QTMAN: variants seen among roughly 807,000 people sequenced by gnomAD.
QTMAN encodes the protein tRNA-queuosine alpha-mannosyltransferase.
the QTMAN span, among the ~76,000 whole-genome samples, chr2:144,319,127 AT>A: frequency 6.6e-6 from 1 of 152,206 alleles, no homozygotes; most frequent in Non-Finnish European, 1.5e-5. Context: ...AAAAATATTA[AT>A]TTATGAATTC....
chr2:144,223,799 G>C, the QTMAN span, among the ~76,000 whole-genome samples: 1 of 152,188 alleles, frequency 6.6e-6, no homozygotes, highest in Non-Finnish European at 1.5e-5. Flanking sequence ...TCTTTAAAGT[G>C]TTGAGAATCC....
chr2:144,099,480 T>A, the QTMAN span, among the ~76,000 whole-genome samples: 2 of 152,142 alleles, frequency 1.3e-5, no homozygotes, highest in African/African-American at 2.4e-5. Context: ...ACGAAAGGAC[T>A]AGGGTATGAG....
the QTMAN span, among the ~76,000 whole-genome samples, chr2:144,142,773 G>A: frequency 6.6e-6 from 1 of 151,836 alleles, no homozygotes; most frequent in Non-Finnish European, 1.5e-5. Context: ...TTACATAAAG[G>A]TACATATAAA....
At chr2:144,064,716 C>T in the QTMAN span, among the ~76,000 whole-genome samples, 12 of 152,256 alleles carry the variant, frequency 7.9e-5, no homozygotes, top group South Asian at 2.5e-3. Flanking sequence ...AGGCAAAAAA[C>T]AAAGTCATAT....
At chr2:144,326,777 C>T in the QTMAN span, among the ~76,000 whole-genome samples, 2 of 152,136 alleles carry the variant, frequency 1.3e-5, no homozygotes, top group East Asian at 3.8e-4. Flanking sequence ...GTGCTAAGGA[C>T]ACCTCCAGGG....
At chr2:144,141,986 T>C in the QTMAN span, 9 of 1,610,582 alleles carry the variant, frequency 5.6e-6, no homozygotes, top group African/African-American at 1.3e-5. Context: ...GCTTCATAAA[T>C]TTTCCCATGG....
the QTMAN span, among the ~76,000 whole-genome samples, chr2:144,123,927 T>C: frequency 6.6e-6 from 1 of 152,110 alleles, no homozygotes; most frequent in Non-Finnish European, 1.5e-5. Flanking sequence ...TTTAAAGTAA[T>C]TTACAGATTA....
the QTMAN span, among the ~76,000 whole-genome samples, chr2:144,191,047 T>G: frequency 6.6e-6 from 1 of 152,202 alleles, no homozygotes; most frequent in Non-Finnish European, 1.5e-5. Flanking sequence ...GCATTTATAT[T>G]CCTCAAACCA....
At chr2:144,156,578 T>C in the QTMAN span, among the ~76,000 whole-genome samples, 126 of 152,138 alleles carry the variant, frequency 8.3e-4, no homozygotes, top group South Asian at 4.8e-3. Context: ...AATTACCCCA[T>C]ATATCACAGA....
chr2:144,103,314 G>A, the QTMAN span, among the ~76,000 whole-genome samples: 2 of 152,228 alleles, frequency 1.3e-5, no homozygotes, highest in Non-Finnish European at 2.9e-5. Flanking sequence ...TGGAGCACAA[G>A]AGGGAGGATC....
the QTMAN span, among the ~76,000 whole-genome samples, chr2:144,074,774 A>G: frequency 6.6e-6 from 1 of 152,350 alleles, no homozygotes; most frequent in African/African-American, 2.4e-5. Flanking sequence ...CAAACACTTT[A>G]GATTATATCC....
the QTMAN span, among the ~76,000 whole-genome samples, chr2:144,077,559 C>T: frequency 1.3e-5 from 2 of 152,164 alleles, no homozygotes; most frequent in Non-Finnish European, 2.9e-5. Context: ...ATCCTATGTG[C>T]TATCCTCATT....
the QTMAN span, among the ~76,000 whole-genome samples, chr2:143,947,593 T>C: frequency 0.058 from 8,761 of 152,266 alleles, 329 homozygotes; most frequent in East Asian, 0.16. Context: ...TTCATATTTA[T>C]AACAGGTTTA....
chr2:144,222,582 G>A, the QTMAN span, among the ~76,000 whole-genome samples: 76 of 151,478 alleles, frequency 5.0e-4, 1 homozygote, highest in Middle Eastern at 3.2e-3. Flanking sequence ...CGAGGCGGGC[G>A]GATCACAAGG....
At chr2:144,044,232 T>C in the QTMAN span, among the ~76,000 whole-genome samples, 2 of 152,188 alleles carry the variant, frequency 1.3e-5, no homozygotes, top group African/African-American at 4.8e-5. Flanking sequence ...ATTTTTACCA[T>C]GCTTAAAAAA....
the QTMAN span, among the ~76,000 whole-genome samples, chr2:144,107,740 C>T: frequency 6.6e-6 from 1 of 152,172 alleles, no homozygotes; most frequent in Non-Finnish European, 1.5e-5. Context: ...GGTATTCCTC[C>T]CTAACTCATT....
the QTMAN span, among the ~76,000 whole-genome samples, chr2:144,035,313 C>T: frequency 6.6e-6 from 1 of 152,146 alleles, no homozygotes; most frequent in South Asian, 2.1e-4. Context: ...AATGAAACCT[C>T]TTTTCTTTAT....
At chr2:144,148,168 T>C in the QTMAN span, among the ~76,000 whole-genome samples, 1 of 151,796 alleles carries the variant, frequency 6.6e-6, no homozygotes, top group East Asian at 1.9e-4. Flanking sequence ...TTATTGCAGT[T>C]ATGTAGGAGA....
chr2:144,239,956 C>G, the QTMAN span, among the ~76,000 whole-genome samples: 1 of 152,198 alleles, frequency 6.6e-6, no homozygotes, highest in African/African-American at 2.4e-5. Context: ...AGGAACAAAT[C>G]AGCTATCAAA....
Sources: gnomAD v4.1 joint callset for allele counts (sites outside exome capture counted in the v4.1 genomes callset) on GRCh38, gnomAD v4.1.1 for gene constraint, MANE v1.5 for transcripts, NCBI Gene and HGNC (gene_info 2026-07-23, HGNC 2026-07-21) for gene names.